Variants in BRAF observed in about 807,000 individuals in gnomAD.
BRAF encodes serine/threonine-protein kinase B-raf.
In BRAF, 16 loss-of-function variants were observed where a neutral mutation model predicts 104.6. The observed-to-expected ratio is 0.15, with a 90% CI of 0.10 to 0.23. BRAF has a LOEUF of 0.23. Among genes scored for constraint, BRAF ranks in the 10% least tolerant of loss-of-function variants. The pLI is 1.00. For missense variants in BRAF, 541 were observed against 937.3 expected, an observed-to-expected ratio of 0.58 and a Z score of 5.52; for synonymous variants, 310 against 341.6, an observed-to-expected ratio of 0.91 and a Z score of 1.02.
intron 17 of BRAF, among the ~76,000 whole-genome samples, chr7:140,744,469 T>A (rs1488687658): frequency 6.6e-6 from 1 of 152,258 alleles, no homozygotes; most frequent in Non-Finnish European, 1.5e-5. Context: ...ACTGTAACTG[T>A]GAATGTAACA....
intron 14 of BRAF, among the ~76,000 whole-genome samples, chr7:140,766,529 A>T (rs1256613150): frequency 2.6e-5 from 4 of 152,168 alleles, no homozygotes; most frequent in Non-Finnish European, 5.9e-5. Context: ...AGATTCCACA[A>T]ATGTCAACAT....
intron 3 of BRAF, among the ~76,000 whole-genome samples, chr7:140,826,965 CT>C: frequency 6.6e-6 from 1 of 152,160 alleles, no homozygotes; most frequent in Non-Finnish European, 1.5e-5. Context: ...AATCCCCAAC[CT>C]TTTTATTGTC....
chr7:140,908,454 A>G (rs2129137044), intron 1 of BRAF, among the ~76,000 whole-genome samples: 2 of 152,098 alleles, frequency 1.3e-5, no homozygotes, highest in South Asian at 4.2e-4. Flanking sequence ...TCCACACGTG[A>G]TTTGCCTTTC....
intron 3 of BRAF, among the ~76,000 whole-genome samples, chr7:140,819,763 A>C (rs1178627939): frequency 2.6e-5 from 4 of 152,228 alleles, no homozygotes; most frequent in African/African-American, 9.6e-5. Flanking sequence ...CATTTATATG[A>C]AATGCCAGAG....
intron 1 of BRAF, among the ~76,000 whole-genome samples, chr7:140,864,862 A>G (rs1810778386): frequency 6.6e-6 from 1 of 152,190 alleles, no homozygotes; most frequent in Non-Finnish European, 1.5e-5. Flanking sequence ...TGCAGGAAAG[A>G]TGAAATCTGA....
chr7:140,720,754 T>C lies in BRAF; in HGVS notation c.*5740A>G. On this transcript the variant is annotated 3_prime_UTR_variant, in exon 20 of 20. Coordinates refer to ENST00000644969, the MANE Select transcript of BRAF (RefSeq NM_001374258.1). ...CTAGTTTGCAGTGACTTCCAACTCATACTCCACCAAAACACACGTGGGTTC... is the reference window on the plus strand; with the variant it reads ...CTAGTTTGCAGTGACTTCCAACTCACACTCCACCAAAACACACGTGGGTTC... 9.4e-7 allele frequency: 1 copy of C among 1,065,998 alleles called. No homozygotes were observed. The highest frequency in any genetic ancestry group is 1.1e-6 in the Non-Finnish European group (1 of 879,708). The allele number at this position is 1,065,998 out of a possible 1,614,324, so 66.0% of individuals were successfully genotyped here. A position where few individuals can be genotyped will look rare whatever the true frequency, so the allele number is the denominator to read the frequency against.
chr7:140,806,145 A>G (rs1310296423), intron 5 of BRAF, among the ~76,000 whole-genome samples: 1 of 152,094 alleles, frequency 6.6e-6, no homozygotes, highest in African/African-American at 2.4e-5. Flanking sequence ...GAAAGGTAAC[A>G]TGCTTTCTTG....
intron 14 of BRAF, among the ~76,000 whole-genome samples, chr7:140,763,936 A>C (rs1413585433): frequency 6.6e-6 from 1 of 152,236 alleles, no homozygotes; most frequent in Non-Finnish European, 1.5e-5. Flanking sequence ...AATCCTCCCT[A>C]ACTCATTTTA....
chr7:140,833,139 C>T (rs1263118237), intron 3 of BRAF, among the ~76,000 whole-genome samples: 2 of 152,116 alleles, frequency 1.3e-5, no homozygotes, highest in East Asian at 1.9e-4. Flanking sequence ...CCGCCTCAGC[C>T]TTCCAAAGTG....
At chr7:140,719,328 G>A (rs1795212066), downstream of BRAF, 2 of 965,482 alleles carry the variant, frequency 2.1e-6, no homozygotes, top group Non-Finnish European at 2.5e-6. Flanking sequence ...TAGTCTTGAT[G>A]AAGACTTCTC....
chr7:140,899,774 A>G (rs1447278512), intron 1 of BRAF, among the ~76,000 whole-genome samples: 1 of 152,128 alleles, frequency 6.6e-6, no homozygotes, highest in East Asian at 1.9e-4. Flanking sequence ...TGTAGTAGGT[A>G]GCCTCTAAAC....
chr7:140,769,123 C>T (rs1799600379), intron 14 of BRAF, among the ~76,000 whole-genome samples: 1 of 151,108 alleles, frequency 6.6e-6, no homozygotes, highest in South Asian at 2.1e-4. Flanking sequence ...GTCACCTAGG[C>T]TGGAGTGCAG....
intron 2 of BRAF, among the ~76,000 whole-genome samples, chr7:140,846,225 T>C (rs1436426959): frequency 3.3e-5 from 5 of 152,120 alleles, no homozygotes; most frequent in Non-Finnish European, 5.9e-5. Context: ...TTATTGATAA[T>C]AGCCAAAACG....
intron 3 of BRAF, among the ~76,000 whole-genome samples, chr7:140,812,174 G>A (rs951806483): frequency 6.6e-6 from 1 of 151,792 alleles, no homozygotes; most frequent in African/African-American, 2.4e-5. Context: ...GTGTGTGTGT[G>A]TGTGTGTGTG....
intron 2 of BRAF, among the ~76,000 whole-genome samples, chr7:140,844,387 T>C (rs760527294): frequency 8.5e-5 from 13 of 152,230 alleles, no homozygotes; most frequent in Non-Finnish European, 1.8e-4. Flanking sequence ...CTGATGCTAA[T>C]TATAGTTATT....
Position 140,787,539 on chromosome 7 carries a change from A to G in BRAF, c.1177+9T>C. 1 of 1,610,998 alleles carries G rather than the reference A, an allele frequency of 6.2e-7. No homozygotes were observed. The highest frequency in any genetic ancestry group is 8.5e-7 in the Non-Finnish European group (1 of 1,177,446). On this transcript the variant is annotated intron_variant, in intron 9 of 19. Transcript: ENST00000644969. ...TGAGTTTTTAAAAAAACCTGAAATCACTACTTACCTCCATCACCACGAAAT... is the reference window on the plus strand; with the variant it reads ...TGAGTTTTTAAAAAAACCTGAAATCGCTACTTACCTCCATCACCACGAAAT...
At chr7:140,757,308 T>G (rs1416495133) in intron 14 of BRAF, among the ~76,000 whole-genome samples, 1 of 152,152 alleles carries the variant, frequency 6.6e-6, no homozygotes, top group Non-Finnish European at 1.5e-5. Flanking sequence ...ATTTTTTTTT[T>G]GAGACAGAGT....
intron 14 of BRAF, among the ~76,000 whole-genome samples, chr7:140,761,444 G>A (rs1264476392): frequency 2.6e-5 from 4 of 152,014 alleles, no homozygotes; most frequent in African/African-American, 9.7e-5. Context: ...ATGCCAAAAT[G>A]TAAAGACCAT....
At position 140,725,264 on chromosome 7, in the gene BRAF, G is replaced by C; in HGVS notation, c.*1230C>G. The C allele has an allele frequency of 9.6e-7, 1 of 1,044,462 alleles. No homozygotes were observed. Among genetic ancestry groups the C allele is most frequent in the Middle Eastern group, 4.4e-4 (1 of 2,282 alleles). 64.7% of individuals were successfully genotyped at this position (1,044,462 alleles called of 1,614,324 possible). A position where few individuals can be genotyped will look rare whatever the true frequency, so the allele number is the denominator to read the frequency against. On this transcript the variant is annotated 3_prime_UTR_variant, in exon 20 of 20. Transcript: ENST00000644969. ...AATGAGATTATTAGCAAAGATGTTA[G>C]TGTGGATCCAGCAAGTACCATTAAT...
Sources: allele counts gnomAD v4.1 joint callset (sites outside exome capture counted in the v4.1 genomes callset), GRCh38; gene constraint gnomAD v4.1.1; transcripts MANE v1.5; gene names NCBI Gene and HGNC (gene_info 2026-07-23, HGNC 2026-07-21).